EPGN: variants seen among roughly 807,000 people sequenced by gnomAD.
EPGN encodes epithelial mitogen.
In EPGN, 21 loss-of-function variants were observed where a neutral mutation model predicts 20.7. The observed-to-expected ratio is 1.01, with a 90% CI of 0.72 to 1.46. EPGN has a LOEUF of 1.46. EPGN is among the 40% of genes most tolerant of loss of function. EPGN has a pLI of 0.00. For synonymous variants in EPGN, 69 were observed against 63.8 expected (o/e 1.08, Z -0.39); for missense variants, 199 against 180.7 (o/e 1.10, Z -0.58).
At chr4:74,313,927 G>A (rs2110357099) in intron 4 of EPGN, among the ~76,000 whole-genome samples, 1 of 152,248 alleles carries the variant, frequency 6.6e-6, no homozygotes, top group African/African-American at 2.4e-5. Flanking sequence ...GCATCTTAGA[G>A]AGAATCAAAT....
rs1357816743 is a variant in EPGN, at chr4:74,314,728, C to A, written c.*91C>A. 5.4e-5 allele frequency: 60 copies of A among 1,115,662 alleles called. No individual in the cohort carries two copies. The highest frequency in any genetic ancestry group is 4.7e-4 in the Middle Eastern group (2 of 4,268). 69.1% of individuals were successfully genotyped at this position (1,115,662 alleles called of 1,614,324 possible). A position where few individuals can be genotyped will look rare whatever the true frequency, so the allele number is the denominator to read the frequency against. The stretch of plus-strand genomic sequence containing the variant: ...AGATGAAACAACAAAACTTGTCAAG[C>A]TGACTAGACTCGAAAATAATGAAAG... On this transcript the variant is annotated 3_prime_UTR_variant, in exon 5 of 5. Transcript: ENST00000413830.
chr4:74,313,630 C>T (rs1038808401), intron 4 of EPGN: 3 of 994,514 alleles, frequency 3.0e-6, no homozygotes, highest in African/African-American at 1.7e-5. Context: ...TCTTCCCAGA[C>T]GTCAACTGGG....
chr4:74,312,397 T>G, intron 3 of EPGN, 92 bp downstream of exon 3: 1 of 1,433,236 alleles, frequency 7.0e-7, no homozygotes, highest in South Asian at 1.6e-5. Context: ...TTTTCTCTCT[T>G]TAGTTTAAAA....
intron 3 of EPGN, among the ~76,000 whole-genome samples, chr4:74,312,744 G>A (rs971010891): frequency 5.3e-5 from 8 of 152,056 alleles, no homozygotes; most frequent in African/African-American, 1.2e-4. Flanking sequence ...CTCAGTATTC[G>A]CCTATGGAAG....
At chr4:74,309,519 GAGC>G (rs1318594623) in intron 2 of EPGN, among the ~76,000 whole-genome samples, 1 of 152,106 alleles carries the variant, frequency 6.6e-6, no homozygotes, top group Non-Finnish European at 1.5e-5. Context: ...CATTCTTGAT[GAGC>G]AGCATTATAT....
In EPGN at chr4:74,316,058, C is replaced by T. The variant is rs1044038573; in HGVS notation, c.*1421C>T. 6.6e-6 allele frequency among the ~76,000 whole-genome samples: 1 copy of T among 151,830 alleles called. No homozygotes were observed. Among genetic ancestry groups the T allele is most frequent in the Non-Finnish European group, 1.5e-5 (1 of 67,988 alleles). ...TAATTTATTTGTGCTTTTGTTTCAT[C>T]TTCTACAAGGCCCTCTTAGCTCTAA... On this transcript the variant is annotated 3_prime_UTR_variant, in exon 5 of 5. Transcript: ENST00000413830.
chr4:74,310,242 A>G (rs1420970780), intron 2 of EPGN, among the ~76,000 whole-genome samples: 1 of 151,958 alleles, frequency 6.6e-6, no homozygotes, highest in African/African-American at 2.4e-5. Flanking sequence ...CGGGCAGATC[A>G]CCTGAGGTCA....
At chr4:74,309,685 C>A (rs192471844) in intron 2 of EPGN, among the ~76,000 whole-genome samples, 131 of 152,178 alleles carry the variant, frequency 8.6e-4, no homozygotes, top group African/African-American at 2.7e-3. Context: ...ACCACTTGTA[C>A]CCAATTTTTG....
At chr4:74,309,215 CTT>C in intron 2 of EPGN, 33 bp downstream of exon 2, 1 of 1,585,980 alleles carries the variant, frequency 6.3e-7, no homozygotes, top group South Asian at 1.1e-5. Flanking sequence ...TTTCACAAGA[CTT>C]TTCTAAAACT....
intron 2 of EPGN, among the ~76,000 whole-genome samples, chr4:74,311,097 A>G (rs1750914424): frequency 6.6e-6 from 1 of 152,106 alleles, no homozygotes; most frequent in African/African-American, 2.4e-5. Context: ...AAAAATTTTT[A>G]TAAAGTTATG....
chr4:74,308,695 G>T, intron 1 of EPGN, 119 bp downstream of exon 1: 2 of 787,628 alleles, frequency 2.5e-6, no homozygotes, highest in Admixed American at 2.6e-5. Flanking sequence ...ACAAAGATCA[G>T]AGTAATGAAT....
At position 74,313,717 on chromosome 4, in the gene EPGN, C is replaced by A. The variant is rs1751117148; in HGVS notation, c.407+547C>A. ...AAATAATTGTAATTATTTACATATT[C>A]ATTCTTATTTCTTGTTTTTTCCACA... On this transcript the variant is annotated intron_variant, in intron 4 of 4. Coordinates refer to ENST00000413830, the MANE Select transcript of EPGN (RefSeq NM_001270989.2). 15 of 766,300 alleles carry A rather than the reference C, an allele frequency of 2.0e-5. No individual in the cohort carries two copies. The South Asian group carries it at 8.8e-4, about 45-fold the overall frequency. The allele number at this position is 766,300 out of a possible 1,614,324, so 47.5% of individuals were successfully genotyped here.
At chr4:74,308,627 A>G (rs774435887) in intron 1 of EPGN, 51 bp downstream of exon 1, 16 of 1,490,748 alleles carry the variant, frequency 1.1e-5, no homozygotes. Context: ...TAAAATGTGA[A>G]TAGAATTTAT....
intron 2 of EPGN, among the ~76,000 whole-genome samples, chr4:74,311,510 G>T (rs961551147): frequency 5.9e-5 from 9 of 151,854 alleles, no homozygotes; most frequent in African/African-American, 1.9e-4. Flanking sequence ...AGGCAAATAT[G>T]GTATACCTTT....
At chr4:74,308,714 T>A in intron 1 of EPGN, 138 bp downstream of exon 1, 2 of 699,078 alleles carry the variant, frequency 2.9e-6, no homozygotes, top group African/African-American at 1.8e-5. Context: ...ATCTGTGGAT[T>A]AATTTAGTTT....
At chr4:74,310,322 C>T (rs535374963) in intron 2 of EPGN, among the ~76,000 whole-genome samples, 28 of 151,772 alleles carry the variant, frequency 1.8e-4, no homozygotes, top group African/African-American at 5.6e-4. Context: ...ATTAGCTGGA[C>T]GTGGTGGCGC....
At chr4:74,308,645 G>A in intron 1 of EPGN, 69 bp downstream of exon 1, 2 of 1,335,170 alleles carry the variant, frequency 1.5e-6, no homozygotes, top group African/African-American at 1.5e-5. Flanking sequence ...TATTTTCTCT[G>A]CATTAGAGAG....
chr4:74,308,759 T>G (rs1553925839), intron 1 of EPGN, among the ~76,000 whole-genome samples, 183 bp downstream of exon 1: 1 of 152,236 alleles, frequency 6.6e-6, no homozygotes, highest in Non-Finnish European at 1.5e-5. Context: ...TAATATATTT[T>G]GACACCTTTT....
At chr4:74,311,562 A>G (rs1046833856) in intron 2 of EPGN, among the ~76,000 whole-genome samples, 5 of 152,202 alleles carry the variant, frequency 3.3e-5, no homozygotes, top group Non-Finnish European at 1.5e-5. Context: ...AAAAATGACA[A>G]GTAAAATCCC....
Sources: gnomAD v4.1 joint callset for allele counts (sites outside exome capture counted in the v4.1 genomes callset) on GRCh38, gnomAD v4.1.1 for gene constraint, MANE v1.5 for transcripts, NCBI Gene and HGNC (gene_info 2026-07-23, HGNC 2026-07-21) for gene names.